Variants in EYA4 observed in about 807,000 individuals in gnomAD.
EYA4 encodes the protein EYA transcriptional coactivator and phosphatase 4.
Under a neutral mutation model 87.9 loss-of-function variants are expected in EYA4, and 31 were observed. That is an observed-to-expected ratio of 0.35 (90% CI 0.27 to 0.48). The LOEUF is 0.48. Among genes scored for constraint, EYA4 ranks in the 20% least tolerant of loss-of-function variants. EYA4 has a pLI of 0.99. For synonymous variants in EYA4, 263 were observed against 270.6 expected, an observed-to-expected ratio of 0.97 and a Z score of 0.28; for missense variants, 678 against 761.4, an observed-to-expected ratio of 0.89 and a Z score of 1.29.
chr6:133,261,294 G>A (rs1220059900), intron 1 of EYA4, among the ~76,000 whole-genome samples: 1 of 152,132 alleles, frequency 6.6e-6, no homozygotes, highest in African/African-American at 2.4e-5. Flanking sequence ...GGGGTTTTAA[G>A]GCTTTTAAGG....
At chr6:133,265,364 G>C (rs1776134723) in intron 1 of EYA4, among the ~76,000 whole-genome samples, 1 of 151,884 alleles carries the variant, frequency 6.6e-6, no homozygotes, top group Non-Finnish European at 1.5e-5. Context: ...TTTTCTGGTG[G>C]AACAGTCTTG....
In EYA4 at chr6:133,355,607, ATACT is replaced by A. The variant is rs1189142078; in HGVS notation, c.34-26784_34-26781del. ...GATTGCAGTTTCCTGGGGATGAACC[ATACT>A]CTTAAGCTTACTTGGGATGGCTTGT... is the stretch of plus-strand genomic sequence containing the variant. On this transcript the variant is annotated intron_variant, in intron 2 of 19. Transcript: ENST00000355286. Among the ~76,000 whole-genome samples the A allele has an allele frequency of 3.9e-5, 6 of 152,178 alleles. 1 individual carries two copies. The highest frequency in any genetic ancestry group is 4.1e-4 in the South Asian group (2 of 4,832).
intron 2 of EYA4, among the ~76,000 whole-genome samples, chr6:133,321,829 A>G (rs1040282310): frequency 4.6e-5 from 7 of 152,156 alleles, no homozygotes; most frequent in African/African-American, 1.4e-4. Flanking sequence ...TCATGGAGTC[A>G]TCCTAGGTGT....
intron 2 of EYA4, among the ~76,000 whole-genome samples, chr6:133,326,125 A>G (rs1781481401): frequency 1.3e-5 from 2 of 152,232 alleles, no homozygotes; most frequent in South Asian, 4.1e-4. Context: ...TGTTCCTCAC[A>G]TATGGAGGCA....
At chr6:133,293,034 G>T (rs1011111010) in intron 2 of EYA4, among the ~76,000 whole-genome samples, 7 of 152,306 alleles carry the variant, frequency 4.6e-5, no homozygotes, top group Admixed American at 3.9e-4. Context: ...CCCCCCAGGG[G>T]TCTCTGGCTT....
intron 11 of EYA4, among the ~76,000 whole-genome samples, chr6:133,472,500 A>T (rs1795357265): frequency 1.2e-5 from 1 of 81,260 alleles, no homozygotes. Flanking sequence ...TGCTGAGGAG[A>T]GCTTTACTTC....
intron 17 of EYA4, among the ~76,000 whole-genome samples, chr6:133,519,105 A>T (rs1318913344): frequency 6.6e-6 from 1 of 151,818 alleles, no homozygotes; most frequent in Non-Finnish European, 1.5e-5. Flanking sequence ...GCAAGAGCAA[A>T]CACATTCAAA....
chr6:133,453,028 A>G (rs1360840147), intron 5 of EYA4: 1 of 152,072 alleles, frequency 6.6e-6, no homozygotes, highest in South Asian at 2.1e-4. Flanking sequence ...ATTGCATGTA[A>G]TGATTTTGGT....
chr6:133,400,501 CT>C (rs1788170396), intron 3 of EYA4, among the ~76,000 whole-genome samples: 3 of 41,720 alleles, frequency 7.2e-5, no homozygotes, highest in Non-Finnish European at 5.8e-4. Flanking sequence ...AAGCAAGACT[CT>C]GTCTTGAAAA....
At chr6:133,361,986 C>T (rs906265864) in intron 2 of EYA4, among the ~76,000 whole-genome samples, 1 of 152,152 alleles carries the variant, frequency 6.6e-6, no homozygotes, top group African/African-American at 2.4e-5. Flanking sequence ...TTCTGACCCT[C>T]TTTGTAACAA....
At chr6:133,444,156 A>T (rs1200575490) in intron 3 of EYA4, among the ~76,000 whole-genome samples, 1 of 152,198 alleles carries the variant, frequency 6.6e-6, no homozygotes, top group Non-Finnish European at 1.5e-5. Context: ...CTATGATCAT[A>T]GACTTATCTG....
At chr6:133,512,359 T>C (rs968545373) in intron 14 of EYA4, among the ~76,000 whole-genome samples, 1 of 152,208 alleles carries the variant, frequency 6.6e-6, no homozygotes. Context: ...ATCTTCAGAT[T>C]AGCCATGCTT....
chr6:133,326,834 C>T (rs1463548360), intron 2 of EYA4, among the ~76,000 whole-genome samples: 2 of 152,204 alleles, frequency 1.3e-5, no homozygotes, highest in Non-Finnish European at 2.9e-5. Context: ...TCGTCATCTT[C>T]CATGTGCTGC....
chr6:133,307,723 T>C (rs1779913254), intron 2 of EYA4, among the ~76,000 whole-genome samples: 1 of 152,210 alleles, frequency 6.6e-6, no homozygotes, highest in African/African-American at 2.4e-5. Flanking sequence ...ATTATCTCAC[T>C]TATTCATAAG....
chr6:133,428,068 A>C (rs1393428075), intron 3 of EYA4, among the ~76,000 whole-genome samples: 2 of 152,212 alleles, frequency 1.3e-5, no homozygotes, highest in Non-Finnish European at 2.9e-5. Flanking sequence ...AGACCAATTT[A>C]ATAATATAGT....
rs955480870 is a variant in EYA4, at chr6:133,530,404, C to T, written c.*1599C>T. ...GGTTCTCCTCTTATTTCCTATGACA[C>T]GATTTCCCTTGTGGAAATTTAAGAC... On this transcript the variant is annotated 3_prime_UTR_variant, in exon 20 of 20. Coordinates refer to ENST00000355286, the MANE Select transcript of EYA4 (RefSeq NM_004100.5). 9.1e-6 allele frequency: 9 copies of T among 985,146 alleles called. No individual in the cohort carries two copies. Among genetic ancestry groups the T allele is most frequent in the African/African-American group, 5.2e-5 (3 of 57,214 alleles). The allele number at this position is 985,146 out of a possible 1,614,324, so 61.0% of individuals were successfully genotyped here.
intron 5 of EYA4, among the ~76,000 whole-genome samples, chr6:133,450,710 C>T (rs212770): frequency 0.38 from 57,126 of 152,128 alleles, 13,969 homozygotes; most frequent in Non-Finnish European, 0.54. Context: ...TGGGTTTCAC[C>T]ACGTTGGCCA....
intron 13 of EYA4, among the ~76,000 whole-genome samples, chr6:133,483,364 T>C (rs2128712020): frequency 6.6e-6 from 1 of 152,266 alleles, no homozygotes; most frequent in East Asian, 1.9e-4. Context: ...AGACCAAGCT[T>C]CTTAGTCTCA....
intron 8 of EYA4, 29 bp from the exon 9 acceptor site, chr6:133,462,592 A>G: frequency 6.2e-7 from 1 of 1,613,860 alleles, no homozygotes; most frequent in African/African-American, 1.3e-5. Flanking sequence ...TACTAATTAA[A>G]TGGTTTACAC....
Sources: gnomAD v4.1 joint callset for allele counts (sites outside exome capture counted in the v4.1 genomes callset) on GRCh38, gnomAD v4.1.1 for gene constraint, MANE v1.5 for transcripts, NCBI Gene and HGNC (gene_info 2026-07-23, HGNC 2026-07-21) for gene names.